ADAMTSL1: variants seen among roughly 807,000 people sequenced by gnomAD.
The protein encoded by ADAMTSL1 is ADAMTS like 1.
ADAMTSL1 carries 126 observed loss-of-function variants against 201.8 expected under a neutral mutation model. The ratio of observed to expected loss-of-function variants is 0.62; its 90% CI spans 0.54 to 0.72. The LOEUF (loss-of-function observed/expected upper bound fraction) is 0.72, where lower values mean the gene tolerates loss of function less well. Among genes scored for constraint, ADAMTSL1 ranks in the 30% least tolerant of loss-of-function variants. ADAMTSL1 has a pLI of 0.00. For synonymous variants in ADAMTSL1, 1,121 were observed against 903.4 expected (o/e 1.24, Z -4.32); for missense variants, 2,679 against 2,277.8 (o/e 1.18, Z -3.59).
intron 2 of ADAMTSL1, among the ~76,000 whole-genome samples, chr9:18,217,180 CA>C (rs772352304): frequency 9.2e-5 from 14 of 152,178 alleles, no homozygotes; most frequent in Non-Finnish European, 1.6e-4. Flanking sequence ...CTTTTTCAGT[CA>C]GAAAGTTAGG....
chr9:18,271,803 G>C (rs1019349740), intron 2 of ADAMTSL1, among the ~76,000 whole-genome samples: 1 of 152,160 alleles, frequency 6.6e-6, no homozygotes, highest in Non-Finnish European at 1.5e-5. Flanking sequence ...CAGTGTAAAA[G>C]TGTTCCTATT....
rs1254239154 is a variant in ADAMTSL1 at position 18,033,143 on chromosome 9, G to A, written c.87+126221G>A. Among the ~76,000 whole-genome samples the A allele has an allele frequency of 2.0e-5, 3 of 152,044 alleles. No homozygotes were observed. In the East Asian group the frequency reaches 5.8e-4, roughly 29 times the overall value. On this transcript the variant is annotated intron_variant, in intron 1 of 29. Coordinates refer to the ADAMTSL1 transcript ENST00000680146. ...TGACCTCATAGCGTGTGATAAATAG[G>A]TCTCTTCATTCTTCATTTAATGTCG...
chr9:18,624,534 A>G (rs1447469681), intron 5 of ADAMTSL1, among the ~76,000 whole-genome samples: 7 of 152,198 alleles, frequency 4.6e-5, no homozygotes, highest in Admixed American at 4.6e-4. Flanking sequence ...ACAAAAGGAA[A>G]TGTCATGCAT....
At chr9:18,571,885 T>C (rs1303338446) in intron 3 of ADAMTSL1, among the ~76,000 whole-genome samples, 1 of 152,170 alleles carries the variant, frequency 6.6e-6, no homozygotes, top group African/African-American at 2.4e-5. Flanking sequence ...GAAAGGAGCT[T>C]GTGTTAAACA....
chr9:18,231,767 T>C (rs1007687428), intron 2 of ADAMTSL1, among the ~76,000 whole-genome samples: 2 of 152,230 alleles, frequency 1.3e-5, no homozygotes, highest in Non-Finnish European at 2.9e-5. Context: ...TGTCAGTTAG[T>C]AGCTACTCTA....
chr9:18,590,857 G>T (rs76097314), intron 4 of ADAMTSL1, among the ~76,000 whole-genome samples: 1 of 151,930 alleles, frequency 6.6e-6, no homozygotes, highest in East Asian at 1.9e-4. Context: ...GAAAGTTATT[G>T]ATTTCTAGTT....
chr9:18,762,960 A>G (rs1435772041), intron 16 of ADAMTSL1, among the ~76,000 whole-genome samples: 2 of 152,218 alleles, frequency 1.3e-5, no homozygotes, highest in African/African-American at 2.4e-5. Flanking sequence ...ATACACTGCA[A>G]CAAACACAGT....
intron 27 of ADAMTSL1, among the ~76,000 whole-genome samples, chr9:18,906,283 G>A (rs148633109): frequency 1.6e-4 from 25 of 152,240 alleles, no homozygotes; most frequent in Middle Eastern, 3.4e-3. Context: ...TAAGATGAGA[G>A]CCCTTGTTCC....
At chr9:18,417,795 T>C (rs1051346715) in intron 2 of ADAMTSL1, among the ~76,000 whole-genome samples, 1 of 152,112 alleles carries the variant, frequency 6.6e-6, no homozygotes, top group Non-Finnish European at 1.5e-5. Flanking sequence ...TACCAAACAT[T>C]TAAAGAAGAA....
chr9:18,170,042 G>GA (rs1263367140), intron 2 of ADAMTSL1, among the ~76,000 whole-genome samples: 2 of 152,006 alleles, frequency 1.3e-5, no homozygotes, highest in South Asian at 2.1e-4. Context: ...ATATTACAAA[G>GA]AAAAAATCAG....
intron 15 of ADAMTSL1, among the ~76,000 whole-genome samples, chr9:18,748,524 C>G (rs985161119): frequency 6.6e-6 from 1 of 152,156 alleles, no homozygotes; most frequent in Non-Finnish European, 1.5e-5. Context: ...CATGTCAATT[C>G]AGATCCAGTT....
chr9:18,072,747 G>A (rs1823024959), intron 1 of ADAMTSL1, among the ~76,000 whole-genome samples: 1 of 152,198 alleles, frequency 6.6e-6, no homozygotes, highest in Non-Finnish European at 1.5e-5. Context: ...TGAAGGGTTG[G>A]TACTATTAGG....
intron 23 of ADAMTSL1, among the ~76,000 whole-genome samples, chr9:18,840,446 G>C (rs573018717): frequency 5.5e-4 from 83 of 152,232 alleles, no homozygotes; most frequent in Non-Finnish European, 1.0e-3. Context: ...TAGCCTTCTG[G>C]TATAGTTTGA....
At chr9:18,058,598 A>G (rs910917762) in intron 1 of ADAMTSL1, among the ~76,000 whole-genome samples, 1 of 152,180 alleles carries the variant, frequency 6.6e-6, no homozygotes, top group African/African-American at 2.4e-5. Flanking sequence ...GATAAAATAC[A>G]GATACTGGCA....
intron 14 of ADAMTSL1, among the ~76,000 whole-genome samples, chr9:18,714,396 A>C (rs939616869): frequency 3.0e-4 from 46 of 152,348 alleles, no homozygotes; most frequent in Non-Finnish European, 5.9e-4. Context: ...AGATGCAATA[A>C]AAAATGATAA....
intron 2 of ADAMTSL1, among the ~76,000 whole-genome samples, chr9:18,234,478 G>C (rs1458064283): frequency 6.6e-6 from 1 of 152,118 alleles, no homozygotes; most frequent in African/African-American, 2.4e-5. Flanking sequence ...TTCGGAGCTA[G>C]TGTACCTGTT....
intron 1 of ADAMTSL1, among the ~76,000 whole-genome samples, chr9:17,908,105 A>C (rs959196056): frequency 6.6e-6 from 1 of 152,190 alleles, no homozygotes; most frequent in Non-Finnish European, 1.5e-5. Context: ...ATGTTGTCTC[A>C]GAAGGGCCCG....
At chr9:17,952,119 C>CTTTTT (rs541405219) in intron 1 of ADAMTSL1, among the ~76,000 whole-genome samples, 1 of 139,696 alleles carries the variant, frequency 7.2e-6, no homozygotes. Context: ...TTCTTTCTTT[C>CTTTTT]TTTTTTTTTT....
At chr9:18,136,581 CTGTT>C (rs1344483145) in intron 1 of ADAMTSL1, among the ~76,000 whole-genome samples, 1 of 151,972 alleles carries the variant, frequency 6.6e-6, no homozygotes, top group African/African-American at 2.4e-5. Context: ...AGGGCTAGCT[CTGTT>C]TGTGGAAGTC....
Sources: gnomAD v4.1 joint callset for allele counts (sites outside exome capture counted in the v4.1 genomes callset) on GRCh38, gnomAD v4.1.1 for gene constraint, MANE v1.5 for transcripts, NCBI Gene and HGNC (gene_info 2026-07-23, HGNC 2026-07-21) for gene names.